Variants in PCDHA2 observed in about 807,000 individuals in gnomAD.
PCDHA2 encodes the protein protocadherin alpha 2.
In PCDHA2, 58 loss-of-function variants were observed where a neutral mutation model predicts 66.0. The ratio of observed to expected loss-of-function variants is 0.88; its 90% CI spans 0.71 to 1.09. The LOEUF (loss-of-function observed/expected upper bound fraction) is 1.09, where lower values mean the gene tolerates loss of function less well. Ranked by LOEUF, PCDHA2 falls within the 50% of genes least tolerant of loss-of-function variation. The probability of loss-of-function intolerance (pLI) is 0.00; values close to 1 mark genes in which losing one functional copy is unlikely to be tolerated. For missense variants in PCDHA2, 1,267 were observed against 1,242.3 expected, an observed-to-expected ratio of 1.02 and a Z score of -0.30; for synonymous variants, 634 against 554.0, an observed-to-expected ratio of 1.14 and a Z score of -2.03.
At chr5:140,943,376 C>G (rs2093486935) in intron 1 of PCDHA2, among the ~76,000 whole-genome samples, 1 of 150,084 alleles carries the variant, frequency 6.7e-6, no homozygotes, top group Non-Finnish European at 1.5e-5. Flanking sequence ...TTAAAATATA[C>G]AGGTAAGAAA....
rs2150421063 is a variant in PCDHA2, at chr5:140,848,806, T to C, written c.2388+51454T>C. The C allele has an allele frequency of 8.8e-6, 14 of 1,591,932 alleles. 1 individual carries two copies. The South Asian group carries it at 1.4e-4, about 16-fold the overall frequency. The stretch of plus-strand genomic sequence containing the variant: ...TGCGGGCGGAGCGCGGAGTGCAGCA[T>C]CCACCTGGAGGTGATCGTAGACAGG... On this transcript the variant is annotated intron_variant, in intron 1 of 3. Coordinates refer to ENST00000526136, the MANE Select transcript of PCDHA2 (RefSeq NM_018905.3).
At chr5:140,928,986 C>G (rs2085702741) in intron 1 of PCDHA2, 1 of 1,613,874 alleles carries the variant, frequency 6.2e-7, no homozygotes, top group East Asian at 2.2e-5. Flanking sequence ...TTCTGGGGTG[C>G]TTACTTTTCT....
chr5:140,797,024 C>A lies in PCDHA2; in HGVS notation c.2060C>A (p.Ala687Glu), dbSNP rs556764988. 1 of 1,613,746 alleles carries A rather than the reference C, an allele frequency of 6.2e-7. No individual in the cohort carries two copies. Among genetic ancestry groups the A allele is most frequent in the African/African-American group, 1.3e-5 (1 of 75,062 alleles). The change falls in exon 1 of 4, where the codon GCG (alanine) becomes GAG (glutamate). Residue 687 changes from alanine to glutamate, a missense_variant. Coordinates refer to ENST00000526136, the MANE Select transcript of PCDHA2 (RefSeq NM_018905.3). ...KASSRAWVGA[A>E]GSEATLVDVN... ...TCGTCGCGGGCGTGGGTGGGCGCCGCGGGCTCAGAGGCTACGCTGGTGGAT... is the reference window on the plus strand; with the variant it reads ...TCGTCGCGGGCGTGGGTGGGCGCCGAGGGCTCAGAGGCTACGCTGGTGGAT...
intron 1 of PCDHA2, among the ~76,000 whole-genome samples, chr5:140,970,004 G>A (rs1322154107): frequency 6.6e-6 from 1 of 152,200 alleles, no homozygotes; most frequent in Non-Finnish European, 1.5e-5. Context: ...CAGAGGGAGT[G>A]GATGATGGTG....
intron 1 of PCDHA2, chr5:140,849,824 G>C: frequency 6.3e-7 from 1 of 1,598,646 alleles, no homozygotes; most frequent in East Asian, 2.2e-5. Context: ...GGGTGTCTGT[G>C]GAGGTGGCCG....
At chr5:140,842,147 GC>G (rs2150330571) in intron 1 of PCDHA2, 1 of 1,613,842 alleles carries the variant, frequency 6.2e-7, no homozygotes, top group East Asian at 2.2e-5. Flanking sequence ...AGCCAATGGG[GC>G]AATTTCATAT....
chr5:140,863,001 C>A, intron 1 of PCDHA2: 1 of 550,202 alleles, frequency 1.8e-6, no homozygotes, highest in South Asian at 1.4e-5. Context: ...ACGGTGGACT[C>A]CAGCTATGAC....
intron 1 of PCDHA2, chr5:140,858,501 T>C: frequency 6.8e-7 from 1 of 1,464,942 alleles, no homozygotes; most frequent in Non-Finnish European, 9.4e-7. Context: ...TACCGCATTT[T>C]CTCAAATATG....
intron 1 of PCDHA2, among the ~76,000 whole-genome samples, chr5:140,940,939 C>T (rs930086780): frequency 2.0e-5 from 3 of 152,154 alleles, no homozygotes; most frequent in African/African-American, 2.4e-5. Context: ...ACTTAGACTA[C>T]GTATTCTCAG....
chr5:140,876,924 G>A, intron 1 of PCDHA2: 4 of 1,613,824 alleles, frequency 2.5e-6, no homozygotes, highest in Non-Finnish European at 3.4e-6. Flanking sequence ...ACGCGGACGC[G>A]CAGAAGAACG....
At chr5:140,877,503 G>T in intron 1 of PCDHA2, 1 of 1,613,834 alleles carries the variant, frequency 6.2e-7, no homozygotes. Flanking sequence ...AGGCCCCAAA[G>T]ACGTCGTCGC....
chr5:140,869,252 A>G (rs1204781858), intron 1 of PCDHA2: 2 of 1,613,490 alleles, frequency 1.2e-6, no homozygotes, highest in African/African-American at 2.7e-5. Flanking sequence ...CGCATCGCGC[A>G]GGACCTGGGG....
rs782473874 is a variant in PCDHA2, at chr5:140,801,229, C to G, written c.2388+3877C>G. 13 of 1,612,092 alleles carry G rather than the reference C, an allele frequency of 8.1e-6. No homozygotes were observed. In the Admixed American group the frequency reaches 1.3e-4, roughly 17 times the overall value. ...TTCTCCTGGCGAGAAGATCCTGGAGCCCAGTGCCTGCTGCTTTCTCTTCTG... is the reference window on the plus strand; with the variant it reads ...TTCTCCTGGCGAGAAGATCCTGGAGGCCAGTGCCTGCTGCTTTCTCTTCTG... On this transcript the variant is annotated intron_variant, in intron 1 of 3. Transcript: ENST00000526136.
At chr5:140,981,982 A>G (rs1026116713) in intron 2 of PCDHA2, among the ~76,000 whole-genome samples, 6 of 152,218 alleles carry the variant, frequency 3.9e-5, no homozygotes, top group Admixed American at 2.0e-4. Context: ...AAAGAGTAAA[A>G]TAGAAAATAA....
chr5:140,828,653 G>A, intron 1 of PCDHA2: 5 of 1,614,156 alleles, frequency 3.1e-6, no homozygotes, highest in Non-Finnish European at 4.2e-6. Context: ...AAACAGTGAT[G>A]ACAATAAACA....
chr5:140,850,639 T>C (rs2150491929), intron 1 of PCDHA2: 1 of 1,598,684 alleles, frequency 6.3e-7, no homozygotes, highest in East Asian at 2.2e-5. Flanking sequence ...GTTCTCACGC[T>C]GCTGCTGTAC....
At chr5:140,909,907 A>C (rs1554194005) in intron 1 of PCDHA2, among the ~76,000 whole-genome samples, 1 of 152,168 alleles carries the variant, frequency 6.6e-6, no homozygotes, top group African/African-American at 2.4e-5. Flanking sequence ...CTGAAATGGC[A>C]ATCATTTCCC....
At chr5:140,926,557 C>G (rs2083347198) in intron 1 of PCDHA2, 1 of 241,254 alleles carries the variant, frequency 4.1e-6, no homozygotes. Context: ...GACCCCAGCC[C>G]GCTGCTACTG....
intron 1 of PCDHA2, chr5:140,857,104 TTC>T: frequency 6.3e-7 from 1 of 1,597,962 alleles, no homozygotes; most frequent in Non-Finnish European, 8.6e-7. Flanking sequence ...TGATTGTCAC[TTC>T]TCTGTCTCTC....
Sources: allele counts gnomAD v4.1 joint callset (sites outside exome capture counted in the v4.1 genomes callset), GRCh38; gene constraint gnomAD v4.1.1; transcripts MANE v1.5; gene names NCBI Gene and HGNC (gene_info 2026-07-23, HGNC 2026-07-21).